Variants in CELF4 observed in about 807,000 individuals in gnomAD.
CELF4 encodes CUG-BP- and ETR-3-like factor 4.
Under a neutral mutation model 59.9 loss-of-function variants are expected in CELF4, and 18 were observed. That is an observed-to-expected ratio of 0.30 (90% CI 0.21 to 0.45). The LOEUF is 0.45. Among genes scored for constraint, CELF4 ranks in the 20% least tolerant of loss-of-function variants. CELF4 has a pLI of 1.00. For missense variants in CELF4, 456 were observed against 689.0 expected (o/e 0.66, Z 3.79); for synonymous variants, 261 against 267.1 (o/e 0.98, Z 0.22).
At chr18:37,278,635 C>A (rs571604124) in intron 3 of CELF4, among the ~76,000 whole-genome samples, 2 of 152,296 alleles carry the variant, frequency 1.3e-5, no homozygotes, top group South Asian at 2.1e-4. Context: ...GGCGATGGCC[C>A]CTACTTGGGT....
chr18:37,416,614 C>T (rs1441333307), intron 2 of CELF4, among the ~76,000 whole-genome samples: 1 of 152,210 alleles, frequency 6.6e-6, no homozygotes, highest in East Asian at 1.9e-4. Context: ...CCTTTAAAAA[C>T]AGGACCCAGG....
chr18:37,265,172 G>A (rs1250691240), intron 9 of CELF4, among the ~76,000 whole-genome samples: 2 of 151,402 alleles, frequency 1.3e-5, no homozygotes, highest in East Asian at 2.0e-4. Flanking sequence ...GTGCGTGCGT[G>A]TACATTACAT....
chr18:37,355,223 A>G (rs1396637256), intron 2 of CELF4, among the ~76,000 whole-genome samples: 2 of 152,178 alleles, frequency 1.3e-5, no homozygotes, highest in Non-Finnish European at 2.9e-5. Context: ...GCTCCTTGTT[A>G]CTGATGTCTG....
chr18:37,381,281 A>G (rs149478694), intron 2 of CELF4, among the ~76,000 whole-genome samples: 1 of 152,216 alleles, frequency 6.6e-6, no homozygotes, highest in Non-Finnish European at 1.5e-5. Context: ...AATGTAAGCA[A>G]TCTATTAGGC....
intron 2 of CELF4, among the ~76,000 whole-genome samples, chr18:37,436,382 G>T (rs150043941): frequency 1.3e-5 from 2 of 152,164 alleles, no homozygotes; most frequent in Non-Finnish European, 2.9e-5. Context: ...AAAGCTCCTC[G>T]CCTTGCAGTG....
intron 1 of CELF4, among the ~76,000 whole-genome samples, chr18:37,545,212 C>CG (rs1191981062): frequency 1.3e-5 from 2 of 152,154 alleles, no homozygotes; most frequent in East Asian, 3.9e-4. Flanking sequence ...GTGTGAGGAG[C>CG]GGGTAGTGTC....
At chr18:37,325,508 G>A (rs895045759) in intron 2 of CELF4, among the ~76,000 whole-genome samples, 1 of 152,196 alleles carries the variant, frequency 6.6e-6, no homozygotes, top group African/African-American at 2.4e-5. Flanking sequence ...CCAGCCCACT[G>A]TCCTTGGCAT....
At chr18:37,286,808 T>C (rs2094829806) in intron 3 of CELF4, among the ~76,000 whole-genome samples, 1 of 151,804 alleles carries the variant, frequency 6.6e-6, no homozygotes, top group Non-Finnish European at 1.5e-5. Flanking sequence ...CGACCCTGGG[T>C]TGGGAGTGGG....
chr18:37,494,567 G>A (rs2099922787), intron 1 of CELF4, among the ~76,000 whole-genome samples: 1 of 152,206 alleles, frequency 6.6e-6, no homozygotes, highest in African/African-American at 2.4e-5. Flanking sequence ...GCCTTGATTT[G>A]CCAGAGTGCT....
intron 3 of CELF4, among the ~76,000 whole-genome samples, chr18:37,283,298 A>G (rs1444898120): frequency 6.6e-6 from 1 of 151,840 alleles, no homozygotes; most frequent in Non-Finnish European, 1.5e-5. Context: ...TCTGCTCTCC[A>G]CAAAACAGCA....
intron 10 of CELF4, among the ~76,000 whole-genome samples, chr18:37,261,870 A>G (rs1488592208): frequency 3.3e-5 from 5 of 152,210 alleles, no homozygotes; most frequent in African/African-American, 1.2e-4. Context: ...CCACCAGAAT[A>G]TCCTGGTATT....
intron 2 of CELF4, among the ~76,000 whole-genome samples, chr18:37,447,141 G>A (rs1023874941): frequency 2.0e-5 from 3 of 152,200 alleles, no homozygotes; most frequent in Admixed American, 1.3e-4. Context: ...TCATTATTGT[G>A]AGGCCAATGA....
chr18:37,490,815 G>A (rs2099900777), intron 1 of CELF4, among the ~76,000 whole-genome samples: 1 of 152,152 alleles, frequency 6.6e-6, no homozygotes, highest in African/African-American at 2.4e-5. Flanking sequence ...TGATCCAGGG[G>A]CTCTCTGGGT....
At chr18:37,546,390 G>GCGCA (rs1555639897) in intron 1 of CELF4, among the ~76,000 whole-genome samples, 12 of 150,608 alleles carry the variant, frequency 8.0e-5, no homozygotes, top group South Asian at 6.3e-4. Flanking sequence ...ACATGTATGC[G>GCGCA]CACACACACA....
chr18:37,499,384 AGGGCT>A, intron 1 of CELF4, among the ~76,000 whole-genome samples: 1 of 152,192 alleles, frequency 6.6e-6, no homozygotes, highest in Middle Eastern at 3.4e-3. Context: ...TGGGCTGGGG[AGGGCT>A]GGAGAGAGGA....
intron 2 of CELF4, among the ~76,000 whole-genome samples, chr18:37,424,447 AG>A (rs1569569358): frequency 6.6e-6 from 1 of 152,204 alleles, no homozygotes; most frequent in Admixed American, 6.5e-5. Context: ...AAGGAGGAGA[AG>A]GAGCTCTGGC....
intron 2 of CELF4, among the ~76,000 whole-genome samples, chr18:37,324,666 A>G (rs1040086898): frequency 7.9e-5 from 12 of 152,136 alleles, no homozygotes; most frequent in Admixed American, 1.3e-4. Flanking sequence ...TTTTCCATTA[A>G]AAAGGTACAC....
chr18:37,426,395 C>T (rs1224976249), intron 2 of CELF4, among the ~76,000 whole-genome samples: 2 of 152,180 alleles, frequency 1.3e-5, no homozygotes, highest in Admixed American at 6.5e-5. Context: ...CTAGGCCACT[C>T]TTCCAGTGGC....
chr18:37,290,603 C>T (rs980444776), intron 3 of CELF4, among the ~76,000 whole-genome samples: 3 of 152,254 alleles, frequency 2.0e-5, no homozygotes, highest in East Asian at 1.9e-4. Flanking sequence ...CCCACAAGAG[C>T]GCACATTACC....
Sources: gnomAD v4.1 joint callset for allele counts (sites outside exome capture counted in the v4.1 genomes callset) on GRCh38, gnomAD v4.1.1 for gene constraint, MANE v1.5 for transcripts, NCBI Gene and HGNC (gene_info 2026-07-23, HGNC 2026-07-21) for gene names.